The following TRPM5 variants were observed in gnomAD, a reference collection of about 807,000 sequenced individuals.
The protein encoded by TRPM5 is MLSN1 and TRP-related.
In TRPM5, 121 loss-of-function variants were observed where a neutral mutation model predicts 124.9. The ratio of observed to expected loss-of-function variants is 0.97; its 90% CI spans 0.84 to 1.13. The LOEUF is 1.13. Among genes scored for constraint, TRPM5 ranks in the 50% most tolerant of loss-of-function variants. TRPM5 has a pLI of 0.00. For missense variants in TRPM5, 1,643 were observed against 1,589.1 expected (o/e 1.03, Z -0.58); for synonymous variants, 781 against 700.5 (o/e 1.11, Z -1.81).
chr11:2,421,820 G>A (rs1845775760), intron 2 of TRPM5, among the ~76,000 whole-genome samples: 1 of 152,176 alleles, frequency 6.6e-6, no homozygotes, highest in Non-Finnish European at 1.5e-5. Flanking sequence ...CATGGGCCCT[G>A]CTAGTGGAGG....
At position 2,416,043 on chromosome 11, in the gene TRPM5, G is replaced by C. The variant is rs1305924990; in HGVS notation, c.1010-19C>G. ...TTGCAGGCTGTGGGCAGAGCAGGCA[G>C]GCACTGGTGAGGGTGGAGCTGAGGG... On this transcript the variant is annotated intron_variant, in intron 7 of 23. Coordinates refer to ENST00000155858, the Ensembl canonical transcript of TRPM5. The C allele has an allele frequency of 6.3e-7, 1 of 1,579,746 alleles. No individual in the cohort carries two copies. Among genetic ancestry groups the C allele is most frequent in the South Asian group, 1.1e-5 (1 of 87,826 alleles).
At chr11:2,421,301 G>C (rs1845769384) in intron 2 of TRPM5, 103 bp from the exon 8 acceptor site, 2 of 1,387,458 alleles carry the variant, frequency 1.4e-6, no homozygotes, top group Middle Eastern at 2.0e-4. Flanking sequence ...AGTTACCTGG[G>C]AGCCAGGGGT....
At chr11:2,405,042 G>A (rs1281590619) in exon 24 of TRPM5, 1 of 1,611,978 alleles carries the variant, frequency 6.2e-7, no homozygotes, top group African/African-American at 1.3e-5. Flanking sequence ...AGTGCTGAGA[G>A]CCTGCTGGGA....
chr11:2,422,308 G>C (rs771681423), exon 2 of TRPM5: 1 of 1,610,892 alleles, frequency 6.2e-7, no homozygotes, highest in African/African-American at 1.3e-5. Flanking sequence ...CACTCCGCTC[G>C]GCACCCGTAC....
At chr11:2,423,615 CAG>C (rs1273646212), upstream of TRPM5, among the ~76,000 whole-genome samples, 10 of 152,188 alleles carry the variant, frequency 6.6e-5, no homozygotes, top group Non-Finnish European at 8.8e-5. Context: ...CCAGGACACA[CAG>C]AGAGAGGAGG....
chr11:2,423,178 T>C, upstream of TRPM5: 1 of 672,252 alleles, frequency 1.5e-6, no homozygotes, highest in Non-Finnish European at 2.5e-6. Context: ...ACCTGGGGAC[T>C]GCCCCCAGGC....
At chr11:2,415,462 G>C in exon 9 of TRPM5, 1 of 1,571,054 alleles carries the variant, frequency 6.4e-7, no homozygotes, top group Non-Finnish European at 8.6e-7. Flanking sequence ...ACCTCCTCCA[G>C]GTCACAGGAC....
At chr11:2,410,538 C>A in intron 18 of TRPM5, 1 of 298,108 alleles carries the variant, frequency 3.4e-6, no homozygotes, top group Admixed American at 4.4e-5. Context: ...CGTCCCTTTC[C>A]AGGTTGGGGC....
rs1414736278 is a variant in TRPM5, at chr11:2,418,093, C to T, written c.906+74G>A. On this transcript the variant is annotated intron_variant, in intron 6 of 23. Coordinates refer to ENST00000155858, the Ensembl canonical transcript of TRPM5. ...GAGGAGTGGGCTGGAGGCTGCATTG[C>T]AGGAACTCTCCCAGAGGACCAGCCC... The T allele has an allele frequency of 6.5e-6, 9 of 1,377,364 alleles. No individual in the cohort carries two copies. In the Admixed American group the frequency reaches 9.0e-5, roughly 14 times the overall value. 85.3% of individuals were successfully genotyped at this position (1,377,364 alleles called of 1,614,324 possible).
chr11:2,421,143 C>T, exon 3 of TRPM5: 2 of 1,542,738 alleles, frequency 1.3e-6, no homozygotes, highest in Non-Finnish European at 8.7e-7. Flanking sequence ...CGCGCACGGC[C>T]TGCCCGACAT....
At chr11:2,434,931 C>A in the TRPM5 span, among the ~76,000 whole-genome samples, 16 of 152,200 alleles carry the variant, frequency 1.1e-4, no homozygotes, top group Non-Finnish European at 2.2e-4. Flanking sequence ...CCCATCAGTT[C>A]ATGCAGTCAT....
chr11:2,426,085 G>A (rs1845838071), upstream of TRPM5, among the ~76,000 whole-genome samples: 2 of 152,148 alleles, frequency 1.3e-5, no homozygotes, highest in South Asian at 2.1e-4. Flanking sequence ...CTCTATGCAA[G>A]ACCCCCGGGA....
intron 7 of TRPM5, 32 bp from the exon 13 acceptor site, chr11:2,416,056 G>A (rs371462234): frequency 6.5e-7 from 1 of 1,534,178 alleles, no homozygotes; most frequent in Admixed American, 1.8e-5. Flanking sequence ...ACTGGTGAGG[G>A]TGGAGCTGAG....
exon 18 of TRPM5, chr11:2,411,457 C>T (rs1442353419): frequency 1.9e-6 from 3 of 1,612,038 alleles, no homozygotes; most frequent in East Asian, 2.2e-5. Context: ...TGCAGCAGCG[C>T]CTGGGTGGTG....
In TRPM5 at chr11:2,407,306, G is replaced by T; in HGVS notation, c.2937-6C>A. 2 of 1,606,130 alleles carry T rather than the reference G, an allele frequency of 1.2e-6. No homozygotes were observed. Among genetic ancestry groups the T allele is most frequent in the Non-Finnish European group, 1.7e-6 (2 of 1,177,658 alleles). The stretch of plus-strand genomic sequence containing the variant: ...GCACCACCTGGAACGTGTAGCTGCA[G>T]GGGCACAGCTGAGCCGTCACCTACC... On this transcript the variant is annotated splice_polypyrimidine_tract_variant and splice_region_variant and intron_variant, in intron 19 of 23. Transcript: ENST00000155858.
chr11:2,418,043 TG>T (rs1184471224), intron 6 of TRPM5, 123 bp downstream of exon 11: 1 of 1,030,758 alleles, frequency 9.7e-7, no homozygotes, highest in Non-Finnish European at 1.4e-6. Flanking sequence ...CGAGAGTGGG[TG>T]GGGGGCCCAG....
In TRPM5 at chr11:2,417,956, C is replaced by A. The variant is rs1044075113; in HGVS notation, c.907-127G>T. The A allele has an allele frequency of 2.9e-6, 3 of 1,052,068 alleles. No homozygotes were observed. In the East Asian group the frequency reaches 7.9e-5, roughly 28 times the overall value. 65.2% of individuals were successfully genotyped at this position (1,052,068 alleles called of 1,614,324 possible). A position where few individuals can be genotyped will look rare whatever the true frequency, so the allele number is the denominator to read the frequency against. On this transcript the variant is annotated intron_variant, in intron 6 of 23. Coordinates refer to ENST00000155858, the Ensembl canonical transcript of TRPM5. Reference sequence around the variant, plus strand: ...TGAGCCTTGCAGCCTGCATGCCCACCGCCCACCGGGCCCGGCCTGGGACCA... The same window carrying A: ...TGAGCCTTGCAGCCTGCATGCCCACAGCCCACCGGGCCCGGCCTGGGACCA...
At chr11:2,428,792 G>T in the TRPM5 span, among the ~76,000 whole-genome samples, 5 of 151,824 alleles carry the variant, frequency 3.3e-5, no homozygotes, top group African/African-American at 1.2e-4. The surrounding 1 kb of genome is among the most constrained non-coding windows in gnomAD (Gnocchi z 4.0). Context: ...GGTGACGAAG[G>T]TGGTGGTGGT....
At chr11:2,415,852 G>A in intron 8 of TRPM5, 54 bp downstream of exon 13, 1 of 1,320,340 alleles carries the variant, frequency 7.6e-7, no homozygotes, top group South Asian at 1.3e-5. Context: ...AGGCAGCGTG[G>A]GCAGCTCGGG....
Sources: allele counts gnomAD v4.1 joint callset (sites outside exome capture counted in the v4.1 genomes callset), GRCh38; gene constraint gnomAD v4.1.1; non-coding constraint Gnocchi (gnomAD v3.1); transcripts MANE v1.5; gene names NCBI Gene and HGNC (gene_info 2026-07-23, HGNC 2026-07-21).